MPC1: variants seen among roughly 807,000 people sequenced by gnomAD.
The protein encoded by MPC1 is HSPC040 protein.
In MPC1, 6 loss-of-function variants were observed where a neutral mutation model predicts 13.9. The ratio of observed to expected loss-of-function variants is 0.43; its 90% CI spans 0.24 to 0.85. The LOEUF (loss-of-function observed/expected upper bound fraction) is 0.85. Ranked by LOEUF, MPC1 falls within the 40% of genes least tolerant of loss-of-function variation. The pLI, the probability that MPC1 is intolerant of heterozygous loss-of-function variation, is 0.24. For synonymous variants in MPC1, 47 were observed against 50.5 expected (o/e 0.93, Z 0.29); for missense variants, 115 against 143.3 (o/e 0.80, Z 1.01).
Position 166,365,347 on chromosome 6 carries a change from G to T in MPC1, c.*82C>A. ...TAGCATTCAGTGTATTTTCCTTAGG[G>T]AGGCTATTTATAATGAAATCTGTGA... On this transcript the variant is annotated 3_prime_UTR_variant, in exon 5 of 5. Transcript: ENST00000360961. The surrounding 1 kb of genome is among the most constrained non-coding windows in gnomAD (Gnocchi z 4.2). 2.5e-6 allele frequency: 3 copies of T among 1,204,332 alleles called. No homozygotes were observed. The highest frequency in any genetic ancestry group is 3.4e-6 in the Non-Finnish European group (3 of 895,210). 74.6% of individuals were successfully genotyped at this position (1,204,332 alleles called of 1,614,324 possible).
At chr6:166,382,241 G>T (rs972008468) in intron 1 of MPC1, among the ~76,000 whole-genome samples, 1 of 151,630 alleles carries the variant, frequency 6.6e-6, no homozygotes, top group Non-Finnish European at 1.5e-5. Flanking sequence ...CCCCTGCCGG[G>T]AGAGGCGTCC....
At chr6:166,366,145 GA>G in intron 3 of MPC1, 39 bp from the exon 4 acceptor site, 2 of 1,600,794 alleles carry the variant, frequency 1.2e-6, no homozygotes, top group Non-Finnish European at 1.7e-6. Flanking sequence ...CAATAACTTA[GA>G]AAACTGAGAG....
intron 2 of MPC1, chr6:166,368,624 C>A (rs2114949424): frequency 1.6e-5 from 4 of 245,626 alleles, no homozygotes; most frequent in Non-Finnish European, 2.6e-5. Flanking sequence ...ATTCTATTAA[C>A]AATGACCCTT....
chr6:166,375,450 C>CT lies in MPC1; in HGVS notation c.72-5230dup, dbSNP rs34879281. On this transcript the variant is annotated intron_variant, in intron 1 of 4. Transcript: ENST00000360961. ...TTCTGCTTATTTTCATTCTAATTTG[C>CT]TTTTTTTTTTTTTTTTTAGTTTTGT... is the stretch of plus-strand genomic sequence containing the variant. Among the ~76,000 whole-genome samples, 955 of 127,236 alleles carry CT rather than the reference C, an allele frequency of 7.5e-3. 12 individuals are homozygous for CT. The highest frequency in any genetic ancestry group is 0.024 in the African/African-American group (855 of 35,450). The allele number at this position is 127,236 out of a possible 152,430, so 83.5% of individuals were successfully genotyped here.
chr6:166,367,997 A>G (rs1232601082), intron 2 of MPC1, among the ~76,000 whole-genome samples: 1 of 152,258 alleles, frequency 6.6e-6, no homozygotes, highest in African/African-American at 2.4e-5. Flanking sequence ...GGTCATTTAG[A>G]TAACTACAAA....
At chr6:166,382,216 G>A (rs528878361) in intron 1 of MPC1, among the ~76,000 whole-genome samples, 17 of 152,192 alleles carry the variant, frequency 1.1e-4, no homozygotes, top group Non-Finnish European at 2.5e-4. Context: ...CTGCCCTGAG[G>A]GGCGCCCACT....
chr6:166,380,966 A>G (rs1779757301), intron 1 of MPC1, among the ~76,000 whole-genome samples: 1 of 149,682 alleles, frequency 6.7e-6, no homozygotes, highest in African/African-American at 2.5e-5. Flanking sequence ...AAAAAAAAAG[A>G]AAAGAAAACG....
chr6:166,376,405 G>A (rs1288884477), intron 1 of MPC1, among the ~76,000 whole-genome samples: 1 of 152,178 alleles, frequency 6.6e-6, no homozygotes, highest in Non-Finnish European at 1.5e-5. Flanking sequence ...CTAGTGTTCT[G>A]ATGTCTGATG....
chr6:166,367,778 C>A (rs1779217318), intron 2 of MPC1, among the ~76,000 whole-genome samples: 1 of 152,190 alleles, frequency 6.6e-6, no homozygotes, highest in Non-Finnish European at 1.5e-5. Context: ...GTTATCCTAA[C>A]ACTAAAGAGT....
In MPC1 at chr6:166,365,508, G is replaced by C. The variant is rs530626528; in HGVS notation, c.306-55C>G. Reference sequence around the variant, plus strand: ...GAGAAACAAAATTTCAATGCCAATCGCAAGGGCTTTGGATGGCTTTTAAAA... The same window carrying C: ...GAGAAACAAAATTTCAATGCCAATCCCAAGGGCTTTGGATGGCTTTTAAAA... On this transcript the variant is annotated intron_variant, in intron 4 of 4. Transcript: ENST00000360961. The surrounding 1 kb of genome is among the most constrained non-coding windows in gnomAD (Gnocchi z 4.2). 8.9e-6 allele frequency: 13 copies of C among 1,452,938 alleles called. No homozygotes were observed. Among genetic ancestry groups the C allele is most frequent in the Non-Finnish European group, 1.0e-5 (11 of 1,072,792 alleles). The allele number at this position is 1,452,938 out of a possible 1,614,324, so 90.0% of individuals were successfully genotyped here.
At chr6:166,380,252 A>G (rs1009404796) in intron 1 of MPC1, among the ~76,000 whole-genome samples, 14 of 152,254 alleles carry the variant, frequency 9.2e-5, no homozygotes, top group Admixed American at 9.2e-4. Context: ...CCCTTATCCA[A>G]TTTAATTTTC....
At chr6:166,381,820 T>C (rs544585345) in intron 1 of MPC1, 3 of 984,140 alleles carry the variant, frequency 3.0e-6, no homozygotes, top group African/African-American at 3.5e-5. Context: ...CAGAATTTCG[T>C]ATATAAAAAC....
intron 2 of MPC1, 149 bp from the exon 3 acceptor site, chr6:166,367,040 T>C (rs1779185646): frequency 1.3e-6 from 2 of 1,508,868 alleles, no homozygotes; most frequent in Non-Finnish European, 1.8e-6. Context: ...GGTTAATTGA[T>C]GGTTAACATT....
At chr6:166,382,588 C>G (rs944881789) in intron 1 of MPC1, among the ~76,000 whole-genome samples, 19 of 152,352 alleles carry the variant, frequency 1.2e-4, no homozygotes, top group African/African-American at 4.6e-4. Flanking sequence ...AAGGCGCCCA[C>G]TGTCACCGGC....
intron 2 of MPC1, chr6:166,368,700 G>A (rs2114949730): frequency 3.2e-6 from 3 of 942,644 alleles, no homozygotes; most frequent in Non-Finnish European, 3.8e-6. Context: ...ACTTTTGTAA[G>A]GGAGAGTATC....
intron 1 of MPC1, among the ~76,000 whole-genome samples, chr6:166,376,678 G>A (rs1473878299): frequency 1.3e-5 from 2 of 152,194 alleles, no homozygotes; most frequent in Non-Finnish European, 2.9e-5. Context: ...CATTGCATTT[G>A]TCTTTTTGGA....
At chr6:166,375,396 G>C (rs75075893) in intron 1 of MPC1, among the ~76,000 whole-genome samples, 161 of 152,088 alleles carry the variant, frequency 1.1e-3, no homozygotes, top group African/African-American at 3.6e-3. Context: ...TGTGGATAAG[G>C]GGGGTGGAGA....
intron 3 of MPC1, 110 bp from the exon 4 acceptor site, chr6:166,366,216 T>C (rs1307646254): frequency 8.0e-7 from 1 of 1,253,954 alleles, no homozygotes; most frequent in Non-Finnish European, 1.1e-6. Flanking sequence ...GAACCTCTTC[T>C]GCGAAAGCCT....
chr6:166,366,266 A>C (rs975835174), intron 3 of MPC1, among the ~76,000 whole-genome samples, 160 bp from the exon 4 acceptor site: 9 of 152,344 alleles, frequency 5.9e-5, no homozygotes, highest in African/African-American at 2.2e-4. Context: ...CTGTATCAAT[A>C]GGAAGCTCAT....
Sources: allele counts gnomAD v4.1 joint callset (sites outside exome capture counted in the v4.1 genomes callset), GRCh38; gene constraint gnomAD v4.1.1; non-coding constraint Gnocchi (gnomAD v3.1); transcripts MANE v1.5; gene names NCBI Gene and HGNC (gene_info 2026-07-23, HGNC 2026-07-21).